SPECC1: variants seen among roughly 807,000 people sequenced by gnomAD.
The protein encoded by SPECC1 is sperm antigen with calponin homology and coiled-coil domains 1.
In SPECC1, 62 loss-of-function variants were observed where a neutral mutation model predicts 104.1. The ratio of observed to expected loss-of-function variants is 0.60; its 90% confidence interval spans 0.49 to 0.74. The LOEUF is 0.74. SPECC1 is among the 30% of genes least tolerant of loss of function. The pLI, the probability that SPECC1 is intolerant of heterozygous loss-of-function variation, is 0.00. For missense variants in SPECC1, 1,306 were observed against 1,310.5 expected (o/e 1.00, Z 0.05); for synonymous variants, 513 against 501.6 (o/e 1.02, Z -0.30).
chr17:20,011,716 A>G (rs1481798551), intron 1 of SPECC1, among the ~76,000 whole-genome samples: 1 of 152,044 alleles, frequency 6.6e-6, no homozygotes, highest in Non-Finnish European at 1.5e-5. Context: ...TGGCTCATTT[A>G]TTTAATCAGT....
chr17:20,227,358 C>G, intron 4 of SPECC1, 55 bp from the exon 5 acceptor site: 1 of 1,511,090 alleles, frequency 6.6e-7, no homozygotes. Context: ...GTGTACAGAT[C>G]ACTGTGGGAA....
chr17:20,066,895 A>G (rs1334937015), intron 1 of SPECC1, among the ~76,000 whole-genome samples: 1 of 146,546 alleles, frequency 6.8e-6, no homozygotes, highest in African/African-American at 2.5e-5. Context: ...CCATACCACC[A>G]CACCTGGCTA....
chr17:20,312,682 G>A (rs1286729432), intron 14 of SPECC1, among the ~76,000 whole-genome samples: 2 of 152,198 alleles, frequency 1.3e-5, no homozygotes, highest in South Asian at 2.1e-4. Context: ...ACTACAGCCA[G>A]TGTAGGTAGA....
rs181518852 is a variant in SPECC1 at position 20,291,268 on chromosome 17, T to C, written c.2941-5693T>C. 1.6e-4 allele frequency among the ~76,000 whole-genome samples: 24 copies of C among 152,338 alleles called. No individual in the cohort carries two copies. In the East Asian group the frequency reaches 3.9e-3, roughly 25 times the overall value. ...ATCTGCCCTCTCCCACCCTCAGCCT[T>C]TCCTTTCACTCTTGTCGAAGACATG... On this transcript the variant is annotated intron_variant, in intron 12 of 14. Coordinates refer to ENST00000395527, the MANE Select transcript of SPECC1 (RefSeq NM_001243439.2).
intron 3 of SPECC1, among the ~76,000 whole-genome samples, chr17:20,180,536 T>C (rs1189312515): frequency 6.6e-6 from 1 of 152,240 alleles, no homozygotes; most frequent in African/African-American, 2.4e-5. Context: ...CTTTTCTAAT[T>C]TGACGGGTCA....
At chr17:20,108,233 G>GGA (rs2048327501) in intron 2 of SPECC1, among the ~76,000 whole-genome samples, 1 of 148,082 alleles carries the variant, frequency 6.8e-6, no homozygotes. Context: ...ACAAAAAAAA[G>GGA]GAAAAAAAAA....
Position 20,016,712 on chromosome 17 carries a change from C to A in SPECC1, c.-22+7288C>A, listed in dbSNP as rs532545520. 4.1e-4 allele frequency among the ~76,000 whole-genome samples: 63 copies of A among 152,370 alleles called. 1 individual carries two copies. The highest frequency in any genetic ancestry group is 1.3e-3 in the African/African-American group (54 of 41,592). On this transcript the variant is annotated intron_variant, in intron 1 of 14. Transcript: ENST00000395527. ...GCCCGCCATGCCTGAGCCACCCCCACCTCCTGGGCTCCTGTGCGGCCCGAG... is the reference window on the plus strand; with the variant it reads ...GCCCGCCATGCCTGAGCCACCCCCAACTCCTGGGCTCCTGTGCGGCCCGAG...
chr17:20,288,520 A>G (rs759048220), intron 12 of SPECC1, among the ~76,000 whole-genome samples: 3 of 152,254 alleles, frequency 2.0e-5, no homozygotes, highest in Non-Finnish European at 2.9e-5. Context: ...ATGTAAAGCA[A>G]AATCACAGTG....
At chr17:20,092,622 A>G (rs1343200737) in intron 1 of SPECC1, among the ~76,000 whole-genome samples, 2 of 152,214 alleles carry the variant, frequency 1.3e-5, no homozygotes, top group Non-Finnish European at 2.9e-5. Flanking sequence ...TAATTGACCC[A>G]TCACTGTGTG....
chr17:20,220,221 A>G (rs919917483), intron 4 of SPECC1, among the ~76,000 whole-genome samples: 3 of 152,118 alleles, frequency 2.0e-5, no homozygotes, highest in Admixed American at 6.5e-5. Flanking sequence ...TGTCATTGGT[A>G]TTTTGATAGG....
intron 3 of SPECC1, among the ~76,000 whole-genome samples, chr17:20,140,921 A>C (rs1286616299): frequency 6.6e-6 from 1 of 152,142 alleles, no homozygotes; most frequent in Non-Finnish European, 1.5e-5. Context: ...ATTCATTGTG[A>C]TCTATGGCTG....
intron 4 of SPECC1, among the ~76,000 whole-genome samples, chr17:20,209,236 T>G (rs193020919): frequency 6.6e-6 from 1 of 152,302 alleles, no homozygotes. Flanking sequence ...ACTGTCCTGT[T>G]GAGCACCAAG....
At chr17:20,309,594 T>C (rs2041869955) in intron 14 of SPECC1, among the ~76,000 whole-genome samples, 1 of 145,072 alleles carries the variant, frequency 6.9e-6, no homozygotes, top group South Asian at 2.1e-4. Flanking sequence ...TGTCCCCATC[T>C]TTATGTCCAT....
chr17:20,143,454 C>T (rs1479843345), intron 3 of SPECC1, among the ~76,000 whole-genome samples: 5 of 151,508 alleles, frequency 3.3e-5, no homozygotes, highest in Middle Eastern at 3.5e-3. Context: ...CAGGCCGAGG[C>T]GGGCAGATCA....
chr17:20,302,552 T>G (rs2041623131), intron 13 of SPECC1, among the ~76,000 whole-genome samples: 1 of 151,764 alleles, frequency 6.6e-6, no homozygotes, highest in Non-Finnish European at 1.5e-5. Context: ...TAAAAGTTAC[T>G]GTTGTGAATA....
intron 14 of SPECC1, among the ~76,000 whole-genome samples, chr17:20,313,443 G>A (rs2041982342): frequency 6.6e-6 from 1 of 152,224 alleles, no homozygotes; most frequent in Admixed American, 6.5e-5. Flanking sequence ...TGGTCACGAG[G>A]TGAGCGTACA....
intron 3 of SPECC1, among the ~76,000 whole-genome samples, chr17:20,184,243 G>A (rs1361131175): frequency 6.7e-6 from 1 of 149,752 alleles, no homozygotes; most frequent in Non-Finnish European, 1.5e-5. Flanking sequence ...GGACAAGTGA[G>A]AGCTATTTCC....
chr17:20,100,039 C>T (rs1410266686), intron 2 of SPECC1, among the ~76,000 whole-genome samples: 2 of 152,068 alleles, frequency 1.3e-5, no homozygotes, highest in Non-Finnish European at 2.9e-5. Context: ...ATGTAACTGC[C>T]GCATACATAG....
At chr17:20,102,522 C>T (rs955290107) in intron 2 of SPECC1, among the ~76,000 whole-genome samples, 1 of 152,200 alleles carries the variant, frequency 6.6e-6, no homozygotes, top group Non-Finnish European at 1.5e-5. Flanking sequence ...ATAAAATCCC[C>T]TAGTCCAAGA....
Sources: gnomAD v4.1 joint callset for allele counts (sites outside exome capture counted in the v4.1 genomes callset) on GRCh38, gnomAD v4.1.1 for gene constraint, MANE v1.5 for transcripts, NCBI Gene and HGNC (gene_info 2026-07-23, HGNC 2026-07-21) for gene names.